The following PLRG1 variants were observed in gnomAD, a reference collection of about 807,000 sequenced individuals.
PLRG1 encodes pleiotropic regulator 1 (PRL1 homolog, Arabidopsis).
PLRG1 carries 28 observed loss-of-function variants against 74.9 expected under a neutral mutation model. The ratio of observed to expected loss-of-function variants is 0.37; its 90% confidence interval spans 0.28 to 0.51. PLRG1 has a LOEUF of 0.51. PLRG1 is among the 20% of genes least tolerant of loss of function. The pLI is 0.91. For missense variants in PLRG1, 445 were observed against 631.9 expected (o/e 0.70, Z 3.17); for synonymous variants, 197 against 212.4 (o/e 0.93, Z 0.63).
chr4:154,550,220 T>G, intron 1 of PLRG1, 80 bp downstream of exon 1: 1 of 1,220,180 alleles, frequency 8.2e-7, no homozygotes, highest in Non-Finnish European at 1.2e-6. Context: ...GGACTCCAAG[T>G]ACTCTCAATC....
chr4:154,549,023 TAA>T lies in PLRG1; in HGVS notation c.10-90_10-89del, dbSNP rs761310320. On this transcript the variant is annotated intron_variant, in intron 1 of 14. Transcript: ENST00000499023. ...AGATTGATTATACACTTCACGTGTT[TAA>T]ATATGTAAAAAGCTTTATACCACTC... The T allele has an allele frequency of 3.8e-6, 3 of 790,524 alleles. No homozygotes were observed. The South Asian group carries it at 4.3e-5, about 11-fold the overall frequency. The allele number at this position is 790,524 out of a possible 1,614,324, so 49.0% of individuals were successfully genotyped here. A position where few individuals can be genotyped will look rare whatever the true frequency, so the allele number is the denominator to read the frequency against.
chr4:154,537,169 A>T, intron 14 of PLRG1, 117 bp downstream of exon 14: 2 of 620,654 alleles, frequency 3.2e-6, no homozygotes, highest in East Asian at 5.7e-5. Context: ...ACACTATTCA[A>T]GAAGACAGAT....
At position 154,540,611 on chromosome 4, in the gene PLRG1, G is replaced by T. The variant is rs1411950531; in HGVS notation, c.922C>A (p.Arg308=). The change falls in exon 10 of 15, where the codon CGA becomes AGA. Residue 308 remains arginine (R), a synonymous_variant. Transcript: ENST00000499023. ...CCATTTACCCGTGCAGTTGAATCTC[G>T]ACTACAGGTTACCAACACATCGATT... ...PTIDVLVTCS[R]DSTARIWDVR... 1 of 1,610,090 alleles carries T rather than the reference G, an allele frequency of 6.2e-7. No homozygotes were observed. Among genetic ancestry groups the T allele is most frequent in the Non-Finnish European group, 8.5e-7 (1 of 1,176,492 alleles).
At position 154,540,004 on chromosome 4, in the gene PLRG1, G is replaced by A. The variant is rs762311396; in HGVS notation, c.989C>T (p.Thr330Ile). The change falls in exon 11 of 15, where the codon ACA (threonine) becomes ATA (isoleucine). Residue 330 changes from threonine to isoleucine, a missense_variant. Transcript: ENST00000499023. Reference protein sequence around the residue: ...KASVHTLSGHTNAVATVRCQA... With the variant: ...KASVHTLSGHINAVATVRCQA... ...ACATCTCACTGTAGCAACTGCATTTGTATGTCCAGATAATGTGTGTACACT... is the reference window on the plus strand; with the variant it reads ...ACATCTCACTGTAGCAACTGCATTTATATGTCCAGATAATGTGTGTACACT... The A allele has an allele frequency of 6.2e-7, 1 of 1,603,312 alleles. No individual in the cohort carries two copies. Among genetic ancestry groups the A allele is most frequent in the Non-Finnish European group, 8.5e-7 (1 of 1,170,304 alleles).
chr4:154,547,360 A>G (rs1729677167), intron 3 of PLRG1: 4 of 516,828 alleles, frequency 7.7e-6, no homozygotes, highest in Non-Finnish European at 1.4e-5. Flanking sequence ...AATTCTCTTT[A>G]CTTATTAAGA....
At position 154,543,651 on chromosome 4, in the gene PLRG1, AG is replaced by A. The variant is rs563282893; in HGVS notation, c.594+793del. Among the ~76,000 whole-genome samples, 538 of 152,280 alleles carry A rather than the reference AG, an allele frequency of 3.5e-3. 3 individuals are homozygous for A. Among genetic ancestry groups the A allele is most frequent in the Non-Finnish European group, 5.1e-3 (349 of 68,014 alleles). On this transcript the variant is annotated intron_variant, in intron 7 of 14. Transcript: ENST00000499023. ...ACGAATAGCACAAGGGTGTTTTTTG[AG>A]GTGGTGTAACATCTATATCCTAATT...
In PLRG1 at chr4:154,540,073, A is replaced by G. The variant is rs767568859; in HGVS notation, c.940-20T>C. ...CCAAATCTATAAAAACACAATAGAC[A>G]TATTAGGAAAGAGAATAGGTATTCA... is the stretch of plus-strand genomic sequence containing the variant. On this transcript the variant is annotated intron_variant, in intron 10 of 14. Transcript: ENST00000499023. 2 of 1,248,960 alleles carry G rather than the reference A, an allele frequency of 1.6e-6. No homozygotes were observed. The highest frequency in any genetic ancestry group is 2.4e-6 in the Non-Finnish European group (2 of 847,168). 77.4% of individuals were successfully genotyped at this position (1,248,960 alleles called of 1,614,324 possible). A position where few individuals can be genotyped will look rare whatever the true frequency, so the allele number is the denominator to read the frequency against.
At chr4:154,546,942 T>A in intron 4 of PLRG1, 69 bp downstream of exon 4, 5 of 1,142,038 alleles carry the variant, frequency 4.4e-6, no homozygotes, top group Non-Finnish European at 6.7e-6. Flanking sequence ...AAGAATCTCA[T>A]TATTGGCTCG....
At chr4:154,546,275 A>C (rs1331103372) in intron 4 of PLRG1, 62 bp from the exon 5 acceptor site, 6 of 834,284 alleles carry the variant, frequency 7.2e-6, no homozygotes, top group Admixed American at 5.9e-5. Context: ...CATGCACTTA[A>C]AATAAAATGA....
chr4:154,539,156 G>A lies in PLRG1; in HGVS notation c.1100C>T (p.Thr367Ile). The A allele has an allele frequency of 5.6e-6, 9 of 1,612,398 alleles. No individual in the cohort carries two copies. Among genetic ancestry groups the A allele is most frequent in the Non-Finnish European group, 7.6e-6 (9 of 1,178,588 alleles). Residue 367 changes from threonine to isoleucine, a missense_variant, in exon 12 of 15, where the codon ACA (threonine) becomes ATA (isoleucine). Coordinates refer to ENST00000499023, the MANE Select transcript of PLRG1 (RefSeq NM_002669.4). The stretch of plus-strand genomic sequence containing the variant: ...AACTGATTTTTTGTGATTTGTTAAT[G>A]TCACTCTTGTTTTTCCAGCCACCAG... ...WDLVAGKTRVTLTNHKKSVRA... is the reference protein window; with the variant it reads ...WDLVAGKTRVILTNHKKSVRA...
rs367624365 is a variant in PLRG1, at chr4:154,539,943, G to A, written c.1042+8C>T. 6.8e-5 allele frequency: 88 copies of A among 1,300,982 alleles called. No individual in the cohort carries two copies. Among genetic ancestry groups the A allele is most frequent in the Middle Eastern group, 3.6e-4 (2 of 5,482 alleles). The allele number at this position is 1,300,982 out of a possible 1,614,324, so 80.6% of individuals were successfully genotyped here. ...ATATTCTGTAAACTTGAAAAGTATC[G>A]ATCATACCTGTAATAATTTGTGGTT... is the stretch of plus-strand genomic sequence containing the variant. On this transcript the variant is annotated splice_region_variant and intron_variant, in intron 11 of 14. Transcript: ENST00000499023.
rs75450563 is a variant in PLRG1, at chr4:154,547,464, T to C, written c.259+247A>G. ...TTCTCCAATTTTTTCCTTTAATCTC[T>C]ACTGTGACCTTCTCCACACTCTAAG... is the stretch of plus-strand genomic sequence containing the variant. On this transcript the variant is annotated intron_variant, in intron 3 of 14. Coordinates refer to ENST00000499023, the MANE Select transcript of PLRG1 (RefSeq NM_002669.4). The C allele has an allele frequency of 7.6e-3, 4,137 of 543,290 alleles. 131 individuals are homozygous for C. Among genetic ancestry groups the C allele is most frequent in the African/African-American group, 0.07 (3,693 of 52,516 alleles). The allele number at this position is 543,290 out of a possible 1,614,324, so 33.7% of individuals were successfully genotyped here.
At chr4:154,544,361 T>A in intron 7 of PLRG1, 84 bp downstream of exon 7, 1 of 814,870 alleles carries the variant, frequency 1.2e-6, no homozygotes, top group Non-Finnish European at 2.1e-6. Flanking sequence ...ATTCACTCTT[T>A]TTCCTCCTTA....
chr4:154,540,024 T>C lies in PLRG1; in HGVS notation c.969A>G (p.Val323=). 1.3e-6 allele frequency: 2 copies of C among 1,597,390 alleles called. No homozygotes were observed. Among genetic ancestry groups the C allele is most frequent in the Non-Finnish European group, 1.7e-6 (2 of 1,164,868 alleles). Residue 323 remains valine (V), a synonymous_variant, in exon 11 of 15, where the codon GTA becomes GTG. Coordinates refer to ENST00000499023, the MANE Select transcript of PLRG1 (RefSeq NM_002669.4). The part of the protein sequence containing the change: ...RIWDVRTKAS[V]HTLSGHTNAV... ...CATTTGTATGTCCAGATAATGTGTG[T>C]ACACTGGCTTTAGTTCTCACATCCC...
rs1729455620 is a variant in PLRG1, at chr4:154,536,609, A to T, written c.*76T>A. The T allele has an allele frequency of 2.7e-6, 2 of 752,064 alleles. No homozygotes were observed. Among genetic ancestry groups the T allele is most frequent in the East Asian group, 5.3e-5 (2 of 37,404 alleles). 46.6% of individuals were successfully genotyped at this position (752,064 alleles called of 1,614,324 possible). ...CCCAGCCAGAGCACAAAATGACTGG[A>T]TATCCTCATGAACGCCAAGCTTTTT... On this transcript the variant is annotated 3_prime_UTR_variant, in exon 15 of 15. Transcript: ENST00000499023.
At position 154,535,706 on chromosome 4, in the gene PLRG1, G is replaced by A. The variant is rs1417633412; in HGVS notation, c.*979C>T. ...TTGTATTTACCAAAAAGAGGCATCA[G>A]TATTAGAAACTTTAAAACTTCTCTT... On this transcript the variant is annotated 3_prime_UTR_variant, in exon 15 of 15. Transcript: ENST00000499023. 1 of 152,072 alleles carries A rather than the reference G, an allele frequency of 6.6e-6. No homozygotes were observed. The highest frequency in any genetic ancestry group is 1.5e-5 in the Non-Finnish European group (1 of 67,994). 9.4% of individuals were successfully genotyped at this position (152,072 alleles called of 1,614,324 possible).
chr4:154,545,233 A>G (rs938724506), intron 6 of PLRG1, among the ~76,000 whole-genome samples: 4 of 152,226 alleles, frequency 2.6e-5, no homozygotes, highest in African/African-American at 9.6e-5. Flanking sequence ...GCAGTTACAC[A>G]TTCATTCACT....
chr4:154,546,457 GTAAAGT>G lies in PLRG1; in HGVS notation c.314-250_314-245del, dbSNP rs566370879. 1.5e-4 allele frequency: 68 copies of G among 444,144 alleles called. 1 individual carries two copies. The South Asian group carries it at 2.0e-3, about 13-fold the overall frequency. The allele number at this position is 444,144 out of a possible 1,614,324, so 27.5% of individuals were successfully genotyped here. ...CATGGTATTAAAGCAGCCCAGAATA[GTAAAGT>G]TAATTTCCATTATATTTGGGTATTA... On this transcript the variant is annotated intron_variant, in intron 4 of 14. Coordinates refer to ENST00000499023, the MANE Select transcript of PLRG1 (RefSeq NM_002669.4).
chr4:154,537,896 T>C, intron 13 of PLRG1, 73 bp downstream of exon 13: 1 of 860,326 alleles, frequency 1.2e-6, no homozygotes, highest in East Asian at 2.7e-5. Flanking sequence ...CTTAGAAGCA[T>C]TACAAATGTT....
Sources: allele counts gnomAD v4.1 joint callset (sites outside exome capture counted in the v4.1 genomes callset), GRCh38; gene constraint gnomAD v4.1.1; transcripts MANE v1.5; gene names NCBI Gene and HGNC (gene_info 2026-07-23, HGNC 2026-07-21).